Variants in POLQ observed in about 807,000 individuals in gnomAD.
POLQ encodes the protein DNA polymerase theta, also known as epididymis secretory sperm binding protein.
In POLQ, 233 loss-of-function variants were observed where a neutral mutation model predicts 259.2. That is an observed-to-expected ratio of 0.90 (90% CI 0.81 to 1.00). The LOEUF (loss-of-function observed/expected upper bound fraction) is 1.00. POLQ is among the 50% of genes least tolerant of loss of function. The pLI, the probability that POLQ is intolerant of heterozygous loss-of-function variation, is 0.00. For synonymous variants in POLQ, 1,025 were observed against 1,048.8 expected (o/e 0.98, Z 0.44); for missense variants, 2,871 against 3,051.6 (o/e 0.94, Z 1.39).
Position 121,490,140 on chromosome 3 carries a change from A to C in POLQ, c.2791T>G (p.Tyr931Asp), listed in dbSNP as rs1265582367. 5 of 1,609,244 alleles carry C rather than the reference A, an allele frequency of 3.1e-6. No homozygotes were observed. Among genetic ancestry groups the C allele is most frequent in the Non-Finnish European group, 3.4e-6 (4 of 1,176,968 alleles). ...HTFISQTKSS[Y>D]KKLTSKNKSN... ...TTGTTCTTTGATGTTAATTTTTTAT[A>C]AGAACTCTTAGTTTGGGATATAAAT... Residue 931 changes from tyrosine (Y) to aspartate (D), a missense_variant, in exon 16 of 30, where the codon TAT becomes GAT. Coordinates refer to ENST00000264233, the MANE Select transcript of POLQ (RefSeq NM_199420.4).
intron 15 of POLQ, among the ~76,000 whole-genome samples, chr3:121,491,549 A>G (rs2048068902): frequency 2.0e-5 from 3 of 152,132 alleles, no homozygotes; most frequent in African/African-American, 7.2e-5. Context: ...GGCAGGGCCC[A>G]GTCAGCACCC....
At chr3:121,540,214 A>G (rs1287275885) in intron 3 of POLQ, among the ~76,000 whole-genome samples, 2 of 152,174 alleles carry the variant, frequency 1.3e-5, no homozygotes, top group African/African-American at 4.8e-5. Context: ...AAAAAGATTT[A>G]TAGAACCATA....
chr3:121,468,858 C>T (rs1463169667), intron 22 of POLQ, among the ~76,000 whole-genome samples: 3 of 152,162 alleles, frequency 2.0e-5, no homozygotes, highest in Non-Finnish European at 4.4e-5. Flanking sequence ...TGTTTTTCTT[C>T]ATCATTGTCA....
At chr3:121,537,007 C>A in intron 5 of POLQ, 93 bp downstream of exon 5, 3 of 700,958 alleles carry the variant, frequency 4.3e-6, no homozygotes, top group South Asian at 3.5e-5. Context: ...ATATTACACT[C>A]CCTTAATTTA....
In POLQ at chr3:121,436,109, T is replaced by C; in HGVS notation, c.7543+13A>G. 6.2e-7 allele frequency: 1 copy of C among 1,605,598 alleles called. No homozygotes were observed. Among genetic ancestry groups the C allele is most frequent in the Admixed American group, 1.7e-5 (1 of 59,976 alleles). ...TCATCATGTTACAGCACAGGCCTCATCTATGAACAAACCTGTTTGGTCACT... is the reference window on the plus strand; with the variant it reads ...TCATCATGTTACAGCACAGGCCTCACCTATGAACAAACCTGTTTGGTCACT... On this transcript the variant is annotated intron_variant, in intron 28 of 29. Transcript: ENST00000264233.
chr3:121,476,455 TACACACACACAC>T, intron 20 of POLQ, 73 bp downstream of exon 20: 9 of 726,908 alleles, frequency 1.2e-5, no homozygotes, highest in Admixed American at 2.9e-5. Flanking sequence ...TTCAGGTAAA[TACACACACACAC>T]ACACACACAC....
At chr3:121,453,003 C>G (rs1414804399) in intron 25 of POLQ, among the ~76,000 whole-genome samples, 3 of 152,322 alleles carry the variant, frequency 2.0e-5, no homozygotes, top group South Asian at 2.1e-4. Context: ...TAGGGGCAGA[C>G]TGACACCTCA....
At chr3:121,456,341 C>T (rs554547328) in intron 25 of POLQ, among the ~76,000 whole-genome samples, 7 of 151,930 alleles carry the variant, frequency 4.6e-5, no homozygotes, top group African/African-American at 1.4e-4. Context: ...GATGCCCTCT[C>T]TCACCACTCC....
At chr3:121,545,597 GAGT>G (rs2048526609) in intron 1 of POLQ, 115 bp downstream of exon 1, 1 of 938,840 alleles carries the variant, frequency 1.1e-6, no homozygotes, top group African/African-American at 1.7e-5. Context: ...CAGAGAAGGG[GAGT>G]AGAAGCCCAA....
At chr3:121,462,407 A>C (rs1409303096) in intron 24 of POLQ, among the ~76,000 whole-genome samples, 1 of 152,188 alleles carries the variant, frequency 6.6e-6, no homozygotes, top group African/African-American at 2.4e-5. Flanking sequence ...AGGGAAAGGG[A>C]GCTGAAGCAC....
chr3:121,525,925 G>A (rs1395833100), intron 7 of POLQ, among the ~76,000 whole-genome samples: 1 of 151,646 alleles, frequency 6.6e-6, no homozygotes. Context: ...TCTTTTTCAT[G>A]ATTTCGTTCA....
chr3:121,529,012 T>C (rs1241891444), intron 7 of POLQ, among the ~76,000 whole-genome samples: 2 of 152,216 alleles, frequency 1.3e-5, no homozygotes, highest in Admixed American at 1.3e-4. Context: ...TGTGATAAAA[T>C]AGACTAGTAT....
At chr3:121,539,286 C>G (rs2048472139) in intron 4 of POLQ, 147 bp downstream of exon 4, 2 of 629,054 alleles carry the variant, frequency 3.2e-6, no homozygotes, top group Admixed American at 3.3e-5. Flanking sequence ...CACAGCGTTC[C>G]TAACATTACA....
chr3:121,471,834 A>C (rs1357349659), intron 22 of POLQ, among the ~76,000 whole-genome samples, 156 bp downstream of exon 22: 1 of 152,214 alleles, frequency 6.6e-6, no homozygotes, highest in Non-Finnish European at 1.5e-5. Flanking sequence ...GGTAGTATCT[A>C]TCTATGCTTT....
intron 26 of POLQ, among the ~76,000 whole-genome samples, chr3:121,445,210 A>C (rs2047623094): frequency 6.6e-6 from 1 of 152,194 alleles, no homozygotes. Context: ...TTTTGGTAGA[A>C]TTCAGCAGGG....
intron 9 of POLQ, among the ~76,000 whole-genome samples, chr3:121,518,484 C>T (rs547243177): frequency 1.3e-5 from 2 of 152,250 alleles, no homozygotes; most frequent in South Asian, 2.1e-4. Flanking sequence ...TCAAATTTTT[C>T]GCAGATCTGC....
At chr3:121,500,897 T>C (rs764305337) in intron 12 of POLQ, among the ~76,000 whole-genome samples, 28 of 152,162 alleles carry the variant, frequency 1.8e-4, no homozygotes, top group Non-Finnish European at 3.7e-4. Flanking sequence ...GCCAGTGAGA[T>C]GACATATTCT....
Position 121,544,785 on chromosome 3 carries a change from CCATT to C in POLQ, c.281_284del (p.Glu94GlyfsTer17), listed in dbSNP as rs779192339. The C allele has an allele frequency of 3.1e-6, 5 of 1,613,486 alleles. No homozygotes were observed. The South Asian group carries it at 5.5e-5, about 18-fold the overall frequency. On this transcript the variant is annotated frameshift_variant, in exon 2 of 30. Transcript: ENST00000264233. LOFTEE classifies it high-confidence loss of function. ...GTCCAAGCAAAAGGCACTCTGCCTGCCATTCAAACATCTTTTTTACACCAAAACT... is the reference window on the plus strand; with the variant it reads ...GTCCAAGCAAAAGGCACTCTGCCTGCCAAACATCTTTTTTACACCAAAACT...
Position 121,459,254 on chromosome 3 carries a change from T to G in POLQ, c.7152+796A>C, listed in dbSNP as rs549107660. On this transcript the variant is annotated intron_variant, in intron 25 of 29. Transcript: ENST00000264233. ...CTATAATCTACAGGTCAGCAATATT[T>G]TTTCAACAAACATTTAGAGACCACC... Among the ~76,000 whole-genome samples the G allele has an allele frequency of 1.6e-4, 25 of 152,276 alleles. 1 individual carries two copies. In the East Asian group the frequency reaches 1.9e-3, roughly 12 times the overall value.
Sources: allele counts gnomAD v4.1 joint callset (sites outside exome capture counted in the v4.1 genomes callset), GRCh38; gene constraint gnomAD v4.1.1; transcripts MANE v1.5; gene names NCBI Gene and HGNC (gene_info 2026-07-23, HGNC 2026-07-21).